Variants in CAMTA1 observed in about 807,000 individuals in gnomAD.
CAMTA1 encodes the protein calmodulin-binding transcription activator 1.
CAMTA1 carries 27 observed loss-of-function variants against 170.9 expected under a neutral mutation model. That is an observed-to-expected ratio of 0.16 (90% CI 0.12 to 0.22). The LOEUF is 0.22. CAMTA1 is among the 10% of genes least tolerant of loss of function. The pLI is 1.00. For synonymous variants in CAMTA1, 833 were observed against 891.5 expected (o/e 0.93, Z 1.17); for missense variants, 1,619 against 2,217.2 (o/e 0.73, Z 5.42).
chr1:6,950,215 C>G (rs1382906242), intron 3 of CAMTA1, among the ~76,000 whole-genome samples: 1 of 152,234 alleles, frequency 6.6e-6, no homozygotes, highest in Non-Finnish European at 1.5e-5. Context: ...CCAGCCCACC[C>G]TTCTCAACAC....
chr1:7,233,482 C>T (rs570634952), intron 4 of CAMTA1, among the ~76,000 whole-genome samples: 1 of 152,224 alleles, frequency 6.6e-6, no homozygotes, highest in Non-Finnish European at 1.5e-5. Flanking sequence ...TCTTAAACCC[C>T]CTTTTCTTTG....
intron 1 of CAMTA1, among the ~76,000 whole-genome samples, chr1:6,806,334 G>T (rs555628036): frequency 2.0e-5 from 3 of 152,214 alleles, no homozygotes; most frequent in South Asian, 2.1e-4. Flanking sequence ...GATTGTTTTG[G>T]CTGTGCTAGC....
intron 3 of CAMTA1, among the ~76,000 whole-genome samples, chr1:7,048,930 C>T (rs147394334): frequency 3.7e-4 from 57 of 152,336 alleles, no homozygotes; most frequent in African/African-American, 1.3e-3. Context: ...TTGCAAATCT[C>T]CTCCAGCTTT....
At chr1:7,242,164 T>C (rs1219967829) in intron 4 of CAMTA1, among the ~76,000 whole-genome samples, 1 of 152,210 alleles carries the variant, frequency 6.6e-6, no homozygotes, top group Non-Finnish European at 1.5e-5. Context: ...TCAATGTCTA[T>C]CTGAATGGCT....
At chr1:7,001,230 A>G (rs1698165416) in intron 3 of CAMTA1, among the ~76,000 whole-genome samples, 1 of 152,180 alleles carries the variant, frequency 6.6e-6, no homozygotes, top group South Asian at 2.1e-4. Flanking sequence ...CCAACTCTAT[A>G]AACTCCAGGA....
At chr1:7,118,980 CT>C (rs1159720224) in intron 4 of CAMTA1, among the ~76,000 whole-genome samples, 1 of 152,150 alleles carries the variant, frequency 6.6e-6, no homozygotes, top group African/African-American at 2.4e-5. Context: ...CAGAGTTTAT[CT>C]TTGTGTGGGA....
At chr1:7,619,065 T>A (rs1395607515) in intron 6 of CAMTA1, among the ~76,000 whole-genome samples, 1 of 152,154 alleles carries the variant, frequency 6.6e-6, no homozygotes, top group African/African-American at 2.4e-5. Context: ...TTCCCCCTAG[T>A]CAACAGGCTT....
intron 6 of CAMTA1, among the ~76,000 whole-genome samples, chr1:7,617,120 G>C (rs2095564200): frequency 6.6e-6 from 1 of 152,174 alleles, no homozygotes; most frequent in African/African-American, 2.4e-5. Context: ...AAGGAGCCAG[G>C]TTCGGCCACG....
chr1:6,878,865 G>A (rs1670668985), intron 3 of CAMTA1, among the ~76,000 whole-genome samples: 1 of 152,152 alleles, frequency 6.6e-6, no homozygotes, highest in Admixed American at 6.5e-5. Flanking sequence ...CAGGCATTCA[G>A]TGCAGATAGG....
At chr1:7,416,607 C>T (rs534877679) in intron 5 of CAMTA1, among the ~76,000 whole-genome samples, 145 of 152,318 alleles carry the variant, frequency 9.5e-4, no homozygotes, top group African/African-American at 3.3e-3. Context: ...GCTTTCAGCT[C>T]CATCAGCTCC....
At chr1:7,397,361 T>A (rs988390739) in intron 5 of CAMTA1, among the ~76,000 whole-genome samples, 4 of 152,132 alleles carry the variant, frequency 2.6e-5, no homozygotes, top group Non-Finnish European at 5.9e-5. Flanking sequence ...TGATTTTTTT[T>A]AAATTTGAGT....
At chr1:7,004,524 C>T (rs1263392113) in intron 3 of CAMTA1, among the ~76,000 whole-genome samples, 1 of 152,004 alleles carries the variant, frequency 6.6e-6, no homozygotes, top group African/African-American at 2.4e-5. Context: ...TGCTTTTTTT[C>T]TTTCTAATTT....
intron 5 of CAMTA1, among the ~76,000 whole-genome samples, chr1:7,378,447 C>G (rs956794438): frequency 1.3e-5 from 2 of 152,196 alleles, no homozygotes. Flanking sequence ...AAGTATGAAC[C>G]CACGCTACCA....
chr1:7,228,369 G>A (rs1285860603), intron 4 of CAMTA1, among the ~76,000 whole-genome samples: 2 of 152,186 alleles, frequency 1.3e-5, no homozygotes, highest in African/African-American at 4.8e-5. Flanking sequence ...TTGGGGGGCC[G>A]AGGCGGGCAG....
At chr1:7,500,103 A>AG (rs200401699) in intron 6 of CAMTA1, among the ~76,000 whole-genome samples, 9 of 112,956 alleles carry the variant, frequency 8.0e-5, no homozygotes, top group South Asian at 3.0e-4. Context: ...GAGTGTGTAG[A>AG]AGATTGTGTG....
intron 3 of CAMTA1, among the ~76,000 whole-genome samples, chr1:7,051,420 C>T (rs900453609): frequency 3.9e-5 from 6 of 152,212 alleles, no homozygotes; most frequent in Non-Finnish European, 7.3e-5. Context: ...ACCCACTCTT[C>T]GCTACATCCT....
At chr1:7,479,793 T>G (rs564800732) in intron 6 of CAMTA1, among the ~76,000 whole-genome samples, 1 of 152,370 alleles carries the variant, frequency 6.6e-6, no homozygotes, top group Non-Finnish European at 1.5e-5. Flanking sequence ...CCTTATCTGC[T>G]TCTGCCAGAG....
intron 5 of CAMTA1, among the ~76,000 whole-genome samples, chr1:7,347,688 C>A (rs1009686764): frequency 1.3e-5 from 2 of 152,116 alleles, no homozygotes; most frequent in African/African-American, 4.8e-5. Context: ...CTGTCCCGAC[C>A]CCTCTTCAGC....
chr1:7,026,334 T>C (rs1382738543), intron 3 of CAMTA1, among the ~76,000 whole-genome samples: 2 of 151,794 alleles, frequency 1.3e-5, no homozygotes, highest in African/African-American at 4.9e-5. Flanking sequence ...TTCATCATGA[T>C]ATTCCTATAT....
Sources: gnomAD v4.1 joint callset for allele counts (sites outside exome capture counted in the v4.1 genomes callset) on GRCh38, gnomAD v4.1.1 for gene constraint, MANE v1.5 for transcripts, NCBI Gene and HGNC (gene_info 2026-07-23, HGNC 2026-07-21) for gene names.